The following RAB18 variants were observed in gnomAD, a reference collection of about 807,000 sequenced individuals.
RAB18 encodes the protein RAB18, member RAS oncogene family.
Under a neutral mutation model 28.5 loss-of-function variants are expected in RAB18, and 10 were observed. The observed-to-expected ratio is 0.35, with a 90% CI of 0.22 to 0.60. RAB18 has a LOEUF of 0.60. Ranked by LOEUF, RAB18 falls within the 20% of genes least tolerant of loss-of-function variation. The pLI, the probability that RAB18 is intolerant of heterozygous loss-of-function variation, is 0.78. For missense variants in RAB18, 188 were observed against 244.2 expected (o/e 0.77, Z 1.53); for synonymous variants, 93 against 86.9 (o/e 1.07, Z -0.39).
At position 27,521,253 on chromosome 10, in the gene RAB18, T is replaced by C. The variant is rs138099514; in HGVS notation, c.125-5575T>C. Among the ~76,000 whole-genome samples, 124 of 152,204 alleles carry C rather than the reference T, an allele frequency of 8.1e-4. 1 individual carries two copies. The highest frequency in any genetic ancestry group is 2.9e-3 in the African/African-American group (120 of 41,492). On this transcript the variant is annotated intron_variant, in intron 2 of 6. Transcript: ENST00000356940. ...TGTTTCATGTATACTTGAAAAAAAT[T>C]TGTTGTTATACGGAGTATTCTGTTG...
rs913195755 is a variant in RAB18, at chr10:27,541,258, T to C, written c.*3207T>C. On this transcript the variant is annotated 3_prime_UTR_variant, in exon 7 of 7. Coordinates refer to ENST00000356940, the MANE Select transcript of RAB18 (RefSeq NM_021252.5). The stretch of plus-strand genomic sequence containing the variant: ...TATAGACTTCACCCTGGGTTTTGCC[T>C]AAACTGTTGAAAGACGAGAATAAAT... 5 of 453,890 alleles carry C rather than the reference T, an allele frequency of 1.1e-5. No homozygotes were observed. Among genetic ancestry groups the C allele is most frequent in the African/African-American group, 6.0e-5 (3 of 49,966 alleles). The allele number at this position is 453,890 out of a possible 1,614,324, so 28.1% of individuals were successfully genotyped here.
intron 1 of RAB18, among the ~76,000 whole-genome samples, chr10:27,509,593 A>G (rs184006031): frequency 5.8e-4 from 89 of 152,308 alleles, no homozygotes; most frequent in African/African-American, 2.1e-3. Context: ...TTAAAAAACA[A>G]CTACAACAAA....
At chr10:27,531,428 G>T in intron 3 of RAB18, 1 of 1,431,096 alleles carries the variant, frequency 7.0e-7, no homozygotes. Flanking sequence ...TTTATATCTG[G>T]GGGAGCTTCT....
At chr10:27,529,030 T>C (rs1267060161) in intron 3 of RAB18, among the ~76,000 whole-genome samples, 3 of 152,086 alleles carry the variant, frequency 2.0e-5, no homozygotes, top group African/African-American at 7.2e-5. Flanking sequence ...CATCTTTTTC[T>C]TCATTAAAGT....
At chr10:27,521,782 G>A (rs1012430770) in intron 2 of RAB18, among the ~76,000 whole-genome samples, 10 of 151,688 alleles carry the variant, frequency 6.6e-5, no homozygotes, top group South Asian at 2.1e-4. Context: ...CCAAAATCTC[G>A]GAAATTACCC....
intron 2 of RAB18, among the ~76,000 whole-genome samples, chr10:27,514,746 C>A (rs1834398440): frequency 6.6e-6 from 1 of 151,368 alleles, no homozygotes; most frequent in South Asian, 2.1e-4. Context: ...TTCATACACA[C>A]AAAATTGCAA....
Position 27,519,201 on chromosome 10 carries a change from C to T in RAB18, c.125-7627C>T, listed in dbSNP as rs532659956. Among the ~76,000 whole-genome samples the T allele has an allele frequency of 8.6e-5, 13 of 151,568 alleles. No individual in the cohort carries two copies. The South Asian group carries it at 2.7e-3, about 32-fold the overall frequency. ...ACTTTAAACTAAAAAAGAAATATCACGTAATCATCTCAATAGATGCAGAAA... is the reference window on the plus strand; with the variant it reads ...ACTTTAAACTAAAAAAGAAATATCATGTAATCATCTCAATAGATGCAGAAA... On this transcript the variant is annotated intron_variant, in intron 2 of 6. Coordinates refer to ENST00000356940, the MANE Select transcript of RAB18 (RefSeq NM_021252.5).
chr10:27,517,736 T>G (rs1834466639), intron 2 of RAB18, among the ~76,000 whole-genome samples: 1 of 152,232 alleles, frequency 6.6e-6, no homozygotes, highest in African/African-American at 2.4e-5. Context: ...AGTTTGATTT[T>G]TAACATATGT....
At chr10:27,511,062 A>G (rs561053016) in intron 2 of RAB18, among the ~76,000 whole-genome samples, 2 of 152,200 alleles carry the variant, frequency 1.3e-5, no homozygotes, top group Non-Finnish European at 2.9e-5. Context: ...ATGAACATAG[A>G]TACATTTTAT....
At chr10:27,522,040 G>T (rs1203384490) in intron 2 of RAB18, among the ~76,000 whole-genome samples, 1 of 151,944 alleles carries the variant, frequency 6.6e-6, no homozygotes, top group Non-Finnish European at 1.5e-5. Context: ...AACTGTAATT[G>T]TAAAAATCTA....
rs1455217397 is a variant in RAB18 at position 27,537,897 on chromosome 10, A to C, written c.467A>C (p.Asp156Ala). 3 of 1,614,040 alleles carry C rather than the reference A, an allele frequency of 1.9e-6. No homozygotes were observed. In the Admixed American group the frequency reaches 5.0e-5, roughly 27 times the overall value. Residue 156 changes from aspartate to alanine, a missense_variant, in exon 7 of 7, where the codon GAT becomes GCT. Transcript: ENST00000356940. ...TCAGAGGCAAGTGCAAAAACCTGTG[A>C]TGGTGTACAATGTGCCTTTGAAGAA... ...LFIEASAKTC[D>A]GVQCAFEELV...
chr10:27,523,586 TC>T (rs1834610560), intron 2 of RAB18, among the ~76,000 whole-genome samples: 1 of 151,754 alleles, frequency 6.6e-6, no homozygotes, highest in South Asian at 2.1e-4. Context: ...AGTGTATTTT[TC>T]ATCTCAGACA....
At chr10:27,513,015 C>CATAT (rs764170485) in intron 2 of RAB18, among the ~76,000 whole-genome samples, 80 of 138,108 alleles carry the variant, frequency 5.8e-4, no homozygotes, top group East Asian at 5.0e-3. Context: ...TAGGTAATAA[C>CATAT]ATATATATAT....
rs1179025210 is a variant in RAB18 at position 27,541,932 on chromosome 10, C to T, written c.*3881C>T. 6 of 453,752 alleles carry T rather than the reference C, an allele frequency of 1.3e-5. No homozygotes were observed. In the East Asian group the frequency reaches 4.2e-4, roughly 32 times the overall value. The allele number at this position is 453,752 out of a possible 1,614,324, so 28.1% of individuals were successfully genotyped here. ...TTACCTTTTAGCAGTGCCCCACTTC[C>T]CCAGTAGCAATGGTTCAGGGGTAGG... On this transcript the variant is annotated 3_prime_UTR_variant, in exon 7 of 7. Coordinates refer to ENST00000356940, the MANE Select transcript of RAB18 (RefSeq NM_021252.5).
chr10:27,518,207 A>G (rs991904153), intron 2 of RAB18, among the ~76,000 whole-genome samples: 6 of 152,204 alleles, frequency 3.9e-5, no homozygotes, highest in African/African-American at 1.4e-4. Context: ...ATTCAGGTAT[A>G]GGATTTTGTA....
rs115684828 is a variant in RAB18 at position 27,516,609 on chromosome 10, A to G, written c.124+6679A>G. Among the ~76,000 whole-genome samples the G allele has an allele frequency of 4.7e-3, 713 of 152,114 alleles. 5 individuals are homozygous for G. The highest frequency in any genetic ancestry group is 0.016 in the African/African-American group (668 of 41,498). ...ATCTTTGATTTCTATACCTTAGTCT[A>G]TATTCCTTAGGCTATACCTTAGTCA... On this transcript the variant is annotated intron_variant, in intron 2 of 6. Transcript: ENST00000356940.
chr10:27,531,609 G>T (rs1265947322), intron 3 of RAB18: 1 of 938,694 alleles, frequency 1.1e-6, no homozygotes, highest in Admixed American at 2.0e-5. Flanking sequence ...GGGCCATGTG[G>T]CAATACGTAA....
intron 2 of RAB18, among the ~76,000 whole-genome samples, chr10:27,515,956 A>T (rs1834430182): frequency 1.3e-5 from 2 of 152,128 alleles, no homozygotes; most frequent in South Asian, 4.1e-4. Context: ...ACTTTTCATT[A>T]TCTGTGATCG....
At chr10:27,510,045 A>G in intron 2 of RAB18, 115 bp downstream of exon 2, 2 of 803,974 alleles carry the variant, frequency 2.5e-6, no homozygotes, top group South Asian at 2.9e-5. Context: ...ATGTCTGTTG[A>G]AATCTTATTT....
Sources: allele counts gnomAD v4.1 joint callset (sites outside exome capture counted in the v4.1 genomes callset), GRCh38; gene constraint gnomAD v4.1.1; transcripts MANE v1.5; gene names NCBI Gene and HGNC (gene_info 2026-07-23, HGNC 2026-07-21).